The following NOS1AP variants were observed in gnomAD, a reference collection of about 807,000 sequenced individuals.
NOS1AP encodes the protein nitric oxide synthase 1 adaptor protein, also known as carboxyl-terminal PDZ ligand of neuronal nitric oxide synthase protein.
Under a neutral mutation model 56.2 loss-of-function variants are expected in NOS1AP, and 21 were observed. That is an observed-to-expected ratio of 0.37 (90% CI 0.26 to 0.54). The LOEUF is 0.54. Among genes scored for constraint, NOS1AP ranks in the 20% least tolerant of loss-of-function variants. The pLI, the probability that NOS1AP is intolerant of heterozygous loss-of-function variation, is 0.84. For synonymous variants in NOS1AP, 270 were observed against 274.6 expected (o/e 0.98, Z 0.17); for missense variants, 522 against 657.8 (o/e 0.79, Z 2.26).
chr1:162,338,302 A>G (rs1657003840), intron 5 of NOS1AP, among the ~76,000 whole-genome samples: 1 of 152,206 alleles, frequency 6.6e-6, no homozygotes, highest in African/African-American at 2.4e-5. Flanking sequence ...CTGGTAGACC[A>G]TTAAAGAACC....
At chr1:162,165,042 C>A (rs1196850704) in intron 2 of NOS1AP, among the ~76,000 whole-genome samples, 1 of 152,164 alleles carries the variant, frequency 6.6e-6, no homozygotes, top group East Asian at 1.9e-4. Context: ...GACTCCCTTG[C>A]CTGGTGTGGT....
In NOS1AP at chr1:162,369,243, G is replaced by C. The variant is rs1037669207; in HGVS notation, c.*1776G>C. On this transcript the variant is annotated 3_prime_UTR_variant, in exon 10 of 10. Coordinates refer to ENST00000361897, the MANE Select transcript of NOS1AP (RefSeq NM_014697.3). ...AACATGCATTTAGTTGGAGAGGCAT[G>C]GTTCTGTTTGTTTTGTTTTGATCTA... 5 of 152,318 alleles carry C rather than the reference G, an allele frequency of 3.3e-5. No homozygotes were observed. Among genetic ancestry groups the C allele is most frequent in the African/African-American group, 1.2e-4 (5 of 41,570 alleles). 9.4% of individuals were successfully genotyped at this position (152,318 alleles called of 1,614,324 possible). A position where few individuals can be genotyped will look rare whatever the true frequency, so the allele number is the denominator to read the frequency against.
rs945703150 is a variant in NOS1AP at position 162,069,921 on chromosome 1, C to T, written c.-257C>T. The T allele has an allele frequency of 2.5e-5, 5 of 198,838 alleles. No individual in the cohort carries two copies. The highest frequency in any genetic ancestry group is 2.0e-5 in the Non-Finnish European group (2 of 99,386). The allele number at this position is 198,838 out of a possible 1,614,324, so 12.3% of individuals were successfully genotyped here. A position where few individuals can be genotyped will look rare whatever the true frequency, so the allele number is the denominator to read the frequency against. On this transcript the variant is annotated 5_prime_UTR_variant, in exon 1 of 10. Coordinates refer to ENST00000361897, the MANE Select transcript of NOS1AP (RefSeq NM_014697.3). ...AGCCCGCTCCCGCCGCCACCTCCTC[C>T]CCTGCCGCCCTCCTAGCCGGCAGGA...
At chr1:162,222,122 G>A (rs1652803801) in intron 2 of NOS1AP, among the ~76,000 whole-genome samples, 1 of 152,184 alleles carries the variant, frequency 6.6e-6, no homozygotes, top group Non-Finnish European at 1.5e-5. Context: ...CTGTGGAATA[G>A]TGGAATTGGA....
At chr1:162,249,638 A>G (rs1204298150) in intron 2 of NOS1AP, among the ~76,000 whole-genome samples, 10 of 152,196 alleles carry the variant, frequency 6.6e-5, no homozygotes, top group Non-Finnish European at 1.5e-5. Flanking sequence ...CATCTATTCA[A>G]TGGTTGAATA....
intron 3 of NOS1AP, among the ~76,000 whole-genome samples, chr1:162,297,760 C>T (rs1470115627): frequency 6.6e-6 from 1 of 152,046 alleles, no homozygotes; most frequent in Admixed American, 6.6e-5. Flanking sequence ...CTGGGAAGAC[C>T]AAGTAGATGC....
chr1:162,114,351 A>C (rs1647845812), intron 1 of NOS1AP, among the ~76,000 whole-genome samples: 1 of 152,160 alleles, frequency 6.6e-6, no homozygotes, highest in African/African-American at 2.4e-5. Flanking sequence ...CAGAACTCTC[A>C]GGCACAAACT....
At chr1:162,358,629 G>A (rs1236164088) in intron 8 of NOS1AP, among the ~76,000 whole-genome samples, 1 of 152,206 alleles carries the variant, frequency 6.6e-6, no homozygotes, top group Non-Finnish European at 1.5e-5. Context: ...ACAGCAGTCT[G>A]AGAATCCCCT....
chr1:162,258,949 ATGG>A (rs1654120753), intron 2 of NOS1AP, among the ~76,000 whole-genome samples: 1 of 152,152 alleles, frequency 6.6e-6, no homozygotes, highest in South Asian at 2.1e-4. Context: ...AGGACCTCTG[ATGG>A]CTAATTTTAT....
chr1:162,226,715 C>T (rs975360507), intron 2 of NOS1AP, among the ~76,000 whole-genome samples: 1 of 152,172 alleles, frequency 6.6e-6, no homozygotes, highest in Non-Finnish European at 1.5e-5. Flanking sequence ...GCCAGTACAA[C>T]TCACTTTCCC....
chr1:162,364,622 C>T (rs1179770524), intron 8 of NOS1AP: 1 of 985,366 alleles, frequency 1.0e-6, no homozygotes, highest in East Asian at 1.1e-4. Flanking sequence ...GAGGGTGCCA[C>T]AAATTGTTCA....
intron 6 of NOS1AP, among the ~76,000 whole-genome samples, chr1:162,348,317 G>A (rs1657369735): frequency 6.6e-6 from 1 of 152,194 alleles, no homozygotes; most frequent in Non-Finnish European, 1.5e-5. Flanking sequence ...AGGGGAGCAG[G>A]TAGAAATGAG....
intron 1 of NOS1AP, among the ~76,000 whole-genome samples, chr1:162,115,057 G>A (rs561667016): frequency 6.6e-6 from 1 of 152,264 alleles, no homozygotes; most frequent in Admixed American, 6.5e-5. Context: ...TTGTTTCATT[G>A]CATTTGTTTT....
In NOS1AP at chr1:162,365,203, G is replaced by A. The variant is rs560273903; in HGVS notation, c.940-201G>A. On this transcript the variant is annotated intron_variant, in intron 8 of 9. Coordinates refer to ENST00000361897, the MANE Select transcript of NOS1AP (RefSeq NM_014697.3). Reference sequence around the variant, plus strand: ...GCCCTCCCTTAGGACACACAGCTTCGCAGTGCCAGTGAACCCACTCCTTTT... The same window carrying A: ...GCCCTCCCTTAGGACACACAGCTTCACAGTGCCAGTGAACCCACTCCTTTT... The A allele has an allele frequency of 3.7e-5, 53 of 1,447,326 alleles. No individual in the cohort carries two copies. The East Asian group carries it at 1.2e-3, about 31-fold the overall frequency. The allele number at this position is 1,447,326 out of a possible 1,614,324, so 89.7% of individuals were successfully genotyped here. A position where few individuals can be genotyped will look rare whatever the true frequency, so the allele number is the denominator to read the frequency against.
chr1:162,165,718 C>T (rs1456334438), intron 2 of NOS1AP, among the ~76,000 whole-genome samples: 1 of 152,150 alleles, frequency 6.6e-6, no homozygotes, highest in African/African-American at 2.4e-5. Flanking sequence ...GTCCAGGCAG[C>T]ATTGTCTGTG....
chr1:162,072,098 A>ATAGATAGG (rs1691673069), intron 1 of NOS1AP, among the ~76,000 whole-genome samples: 4 of 152,126 alleles, frequency 2.6e-5, no homozygotes, highest in South Asian at 2.1e-4. Flanking sequence ...AGATAGATAG[A>ATAGATAGG]TAGATAGATA....
chr1:162,285,423 T>A (rs1441456503), intron 2 of NOS1AP, among the ~76,000 whole-genome samples: 1 of 152,182 alleles, frequency 6.6e-6, no homozygotes, highest in Non-Finnish European at 1.5e-5. Context: ...TTATTTGAGT[T>A]CATCCAGCAC....
At chr1:162,361,946 G>A (rs949255067) in intron 8 of NOS1AP, among the ~76,000 whole-genome samples, 1 of 152,196 alleles carries the variant, frequency 6.6e-6, no homozygotes, top group Admixed American at 6.5e-5. Flanking sequence ...ATTGCCTCCA[G>A]TACTGACCAC....
intron 3 of NOS1AP, among the ~76,000 whole-genome samples, chr1:162,290,322 G>C (rs368523461): frequency 6.6e-6 from 1 of 152,096 alleles, no homozygotes; most frequent in African/African-American, 2.4e-5. Context: ...CTTTAACCAC[G>C]GGGTTCATTT....
Sources: gnomAD v4.1 joint callset for allele counts (sites outside exome capture counted in the v4.1 genomes callset) on GRCh38, gnomAD v4.1.1 for gene constraint, MANE v1.5 for transcripts, NCBI Gene and HGNC (gene_info 2026-07-23, HGNC 2026-07-21) for gene names.